The following SLC24A2 variants were observed in gnomAD, a reference collection of about 807,000 sequenced individuals.
SLC24A2 encodes solute carrier family 24 member 2.
A neutral mutation model predicts 62.0 loss-of-function variants in SLC24A2; 36 were observed. The ratio of observed to expected loss-of-function variants is 0.58; its 90% CI spans 0.44 to 0.77. The LOEUF is 0.77. Ranked by LOEUF, SLC24A2 falls within the 30% of genes least tolerant of loss-of-function variation. The pLI is 0.00. For synonymous variants in SLC24A2, 358 were observed against 294.0 expected (o/e 1.22, Z -2.23); for missense variants, 846 against 817.9 (o/e 1.03, Z -0.42).
At chr9:19,600,542 TATC>T (rs1836815231) in intron 4 of SLC24A2, among the ~76,000 whole-genome samples, 1 of 152,204 alleles carries the variant, frequency 6.6e-6, no homozygotes. Flanking sequence ...ATGTAGGAAT[TATC>T]ATCCTCGAAC....
At chr9:19,856,979 T>G in the SLC24A2 span, among the ~76,000 whole-genome samples, 1 of 152,212 alleles carries the variant, frequency 6.6e-6, no homozygotes, top group Admixed American at 6.5e-5. Flanking sequence ...AAACATTTCT[T>G]TTAGGGTTGG....
the SLC24A2 span, among the ~76,000 whole-genome samples, chr9:19,892,367 T>C: frequency 1.3e-5 from 2 of 152,354 alleles, no homozygotes; most frequent in South Asian, 2.1e-4. Flanking sequence ...TTTCAGTGTT[T>C]TGTGTCTGTT....
At chr9:19,987,067 G>T in the SLC24A2 span, among the ~76,000 whole-genome samples, 1 of 152,152 alleles carries the variant, frequency 6.6e-6, no homozygotes, top group East Asian at 1.9e-4. Flanking sequence ...GACAGTGGAG[G>T]GTGGAAGGGG....
the SLC24A2 span, among the ~76,000 whole-genome samples, chr9:19,880,754 A>C: frequency 6.6e-6 from 1 of 152,162 alleles, no homozygotes; most frequent in Non-Finnish European, 1.5e-5. Flanking sequence ...CTATAGGAGG[A>C]AGAGATTGGG....
At chr9:19,812,674 C>T in the SLC24A2 span, among the ~76,000 whole-genome samples, 1 of 152,092 alleles carries the variant, frequency 6.6e-6, no homozygotes, top group Non-Finnish European at 1.5e-5. Flanking sequence ...AATTTTGTGG[C>T]ATATGGTACT....
At chr9:19,829,160 G>A in the SLC24A2 span, among the ~76,000 whole-genome samples, 1 of 152,010 alleles carries the variant, frequency 6.6e-6, no homozygotes, top group Non-Finnish European at 1.5e-5. Flanking sequence ...AAACTCACGG[G>A]GTATGAGGGT....
At position 19,717,502 on chromosome 9, in the gene SLC24A2, T is replaced by A. The variant is rs1009636704; in HGVS notation, c.930+68435A>T. On this transcript the variant is annotated intron_variant, in intron 2 of 10. Transcript: ENST00000341998. ...ATAAAATGCATTTATCAATAAAAAG[T>A]TGCTGCCAAAGTGGTTGCCTCAGAG... Among the ~76,000 whole-genome samples the A allele has an allele frequency of 2.0e-5, 3 of 152,176 alleles. No individual in the cohort carries two copies. The East Asian group carries it at 5.8e-4, about 29-fold the overall frequency.
intron 9 of SLC24A2, among the ~76,000 whole-genome samples, chr9:19,524,007 T>C (rs543991785): frequency 3.9e-5 from 6 of 152,096 alleles, no homozygotes; most frequent in African/African-American, 1.4e-4. Context: ...AAGTTAACTT[T>C]TGTCAAATCA....
At chr9:19,873,447 CTCTTTCTT>C in the SLC24A2 span, among the ~76,000 whole-genome samples, 6 of 144,012 alleles carry the variant, frequency 4.2e-5, no homozygotes, top group African/African-American at 1.6e-4. Context: ...TCCTTTCTTT[CTCTTTCTT>C]TCTTTCTTTT....
the SLC24A2 span, among the ~76,000 whole-genome samples, chr9:19,843,935 T>C: frequency 6.6e-6 from 1 of 152,208 alleles, no homozygotes; most frequent in Admixed American, 6.5e-5. Flanking sequence ...TTGGTGGGCA[T>C]CTAGGTTGAA....
the SLC24A2 span, among the ~76,000 whole-genome samples, chr9:20,124,984 G>C: frequency 3.9e-5 from 6 of 152,152 alleles, no homozygotes; most frequent in Non-Finnish European, 8.8e-5. Context: ...AATAGATCTA[G>C]ATTCAAATCC....
At chr9:19,728,368 T>A (rs1455176747) in intron 2 of SLC24A2, among the ~76,000 whole-genome samples, 1 of 151,356 alleles carries the variant, frequency 6.6e-6, no homozygotes, top group Non-Finnish European at 1.5e-5. Flanking sequence ...CTGAAAGGAA[T>A]GATATCTCAT....
At chr9:19,550,314 T>G in intron 7 of SLC24A2, 46 bp from the exon 8 acceptor site, 1 of 1,594,190 alleles carries the variant, frequency 6.3e-7, no homozygotes, top group Middle Eastern at 1.7e-4. Context: ...AAAAATAAAA[T>G]GTACACAGGC....
the SLC24A2 span, among the ~76,000 whole-genome samples, chr9:19,983,205 A>C: frequency 6.6e-6 from 1 of 152,208 alleles, no homozygotes; most frequent in South Asian, 2.1e-4. Flanking sequence ...AACTGGAATG[A>C]AAGACATAAA....
chr9:19,550,303 A>G (rs761625616), intron 7 of SLC24A2, 35 bp from the exon 8 acceptor site: 5 of 1,610,134 alleles, frequency 3.1e-6, no homozygotes, highest in Non-Finnish European at 4.2e-6. Context: ...TAAACAAACA[A>G]AAAAATAAAA....
chr9:19,635,515 T>A (rs1239024025), intron 2 of SLC24A2, among the ~76,000 whole-genome samples: 1 of 152,170 alleles, frequency 6.6e-6, no homozygotes, highest in Non-Finnish European at 1.5e-5. Flanking sequence ...TTGGATATCT[T>A]TGGAAAGGAT....
At chr9:19,843,604 G>A in the SLC24A2 span, among the ~76,000 whole-genome samples, 13 of 152,100 alleles carry the variant, frequency 8.5e-5, no homozygotes, top group Non-Finnish European at 1.3e-4. Context: ...GAGGTTTGGC[G>A]TGTGATTAAT....
At chr9:20,108,282 C>T in the SLC24A2 span, among the ~76,000 whole-genome samples, 52 of 152,218 alleles carry the variant, frequency 3.4e-4, no homozygotes, top group Non-Finnish European at 5.4e-4. Flanking sequence ...TTGTGGAAGT[C>T]AGTGTGGCGA....
the SLC24A2 span, among the ~76,000 whole-genome samples, chr9:20,234,602 A>T: frequency 1.3e-5 from 2 of 152,128 alleles, no homozygotes; most frequent in African/African-American, 4.8e-5. Context: ...ACTTCTCTGC[A>T]TTGGTTATTC....
Sources: allele counts gnomAD v4.1 joint callset (sites outside exome capture counted in the v4.1 genomes callset), GRCh38; gene constraint gnomAD v4.1.1; transcripts MANE v1.5; gene names NCBI Gene and HGNC (gene_info 2026-07-23, HGNC 2026-07-21).